Variants in ZC3H7A observed in about 807,000 individuals in gnomAD.
ZC3H7A encodes zinc finger CCCH domain-containing protein 7A.
ZC3H7A carries 44 observed loss-of-function variants against 125.5 expected under a neutral mutation model. The ratio of observed to expected loss-of-function variants is 0.35; its 90% CI spans 0.28 to 0.45. ZC3H7A has a LOEUF of 0.45. Ranked by LOEUF, ZC3H7A falls within the 20% of genes least tolerant of loss-of-function variation. ZC3H7A has a pLI of 1.00. For missense variants in ZC3H7A, 977 were observed against 1,170.7 expected, an observed-to-expected ratio of 0.83 and a Z score of 2.41; for synonymous variants, 399 against 391.2, an observed-to-expected ratio of 1.02 and a Z score of -0.23.
chr16:11,791,311 C>A (rs145054970), intron 1 of ZC3H7A, among the ~76,000 whole-genome samples: 1 of 152,086 alleles, frequency 6.6e-6, no homozygotes, highest in Non-Finnish European at 1.5e-5. Flanking sequence ...CAGAACAAGT[C>A]AGGCACTCCA....
At chr16:11,791,259 T>A (rs1278026651) in intron 1 of ZC3H7A, among the ~76,000 whole-genome samples, 2 of 151,898 alleles carry the variant, frequency 1.3e-5, no homozygotes, top group Non-Finnish European at 2.9e-5. Context: ...TCCCCCAGCT[T>A]CACACATGAG....
intron 7 of ZC3H7A, 145 bp downstream of exon 7, chr16:11,776,175 A>G (rs2053077045): frequency 1.4e-6 from 1 of 732,772 alleles, no homozygotes; most frequent in African/African-American, 1.8e-5. Context: ...AAATAAATAA[A>G]GTGACAGGAG....
At chr16:11,774,565 C>A (rs1349257694) in intron 8 of ZC3H7A, 46 bp from the exon 9 acceptor site, 1 of 1,466,088 alleles carries the variant, frequency 6.8e-7, no homozygotes, top group Non-Finnish European at 9.1e-7. Context: ...ATCGTACTTA[C>A]ATAATAATAC....
chr16:11,760,140 A>AAAAAAAAAAAAAAAG (rs1567374789), intron 19 of ZC3H7A, among the ~76,000 whole-genome samples: 7 of 149,592 alleles, frequency 4.7e-5, no homozygotes, highest in African/African-American at 1.7e-4. Flanking sequence ...AAAAAAAAAA[A>AAAAAAAAAAAAAAAG]AAAAAGAAAA....
chr16:11,751,225 G>A lies in ZC3H7A; in HGVS notation c.*92C>T, dbSNP rs1597524738. ...GAACGATATACGCCAATACAAGCAGGAAATCTGCAGCTCCTCTGCTATGTG... is the reference window on the plus strand; with the variant it reads ...GAACGATATACGCCAATACAAGCAGAAAATCTGCAGCTCCTCTGCTATGTG... On this transcript the variant is annotated 3_prime_UTR_variant, in exon 23 of 23. Transcript: ENST00000355758. The A allele has an allele frequency of 7.5e-7, 1 of 1,338,582 alleles. No homozygotes were observed. Among genetic ancestry groups the A allele is most frequent in the Non-Finnish European group, 1.0e-6 (1 of 993,994 alleles). The allele number at this position is 1,338,582 out of a possible 1,614,324, so 82.9% of individuals were successfully genotyped here.
At chr16:11,786,945 A>G (rs2053265345) in intron 1 of ZC3H7A, among the ~76,000 whole-genome samples, 1 of 152,216 alleles carries the variant, frequency 6.6e-6, no homozygotes, top group Admixed American at 6.5e-5. Flanking sequence ...CACACACACA[A>G]TTAAGTAGAG....
intron 10 of ZC3H7A, among the ~76,000 whole-genome samples, chr16:11,769,687 G>C (rs2052936499): frequency 9.9e-6 from 1 of 101,356 alleles, no homozygotes; most frequent in Non-Finnish European, 1.8e-5. Context: ...TTCCAGCCTG[G>C]GCAACAGAGT....
At position 11,762,539 on chromosome 16, in the gene ZC3H7A, G is replaced by A. The variant is rs1419088258; in HGVS notation, c.2079+132C>T. On this transcript the variant is annotated intron_variant, in intron 17 of 22. Transcript: ENST00000355758. ...AAATGCAAATTGTTTTTTCACATAA[G>A]AATGACTCACCTGAATGAATATTAA... 3.6e-6 allele frequency: 3 copies of A among 831,352 alleles called. No homozygotes were observed. The Admixed American group carries it at 8.2e-5, about 23-fold the overall frequency. The allele number at this position is 831,352 out of a possible 1,614,324, so 51.5% of individuals were successfully genotyped here.
intron 22 of ZC3H7A, 32 bp from the exon 23 acceptor site, chr16:11,751,538 T>C (rs762433971): frequency 1.1e-5 from 18 of 1,573,242 alleles, no homozygotes; most frequent in African/African-American, 1.4e-5. Flanking sequence ...TCAGTGTCCA[T>C]ATAAGTTGTT....
chr16:11,757,361 G>A (rs1172106019), intron 20 of ZC3H7A, among the ~76,000 whole-genome samples: 3 of 151,822 alleles, frequency 2.0e-5, no homozygotes, highest in African/African-American at 7.3e-5. Flanking sequence ...GCAGGCGCCT[G>A]TAGTCCCAGC....
intron 12 of ZC3H7A, among the ~76,000 whole-genome samples, chr16:11,767,790 C>A (rs2052887003): frequency 6.6e-6 from 1 of 151,866 alleles, no homozygotes; most frequent in South Asian, 2.1e-4. Flanking sequence ...TTCAACTCCA[C>A]TCCTGCCAAA....
At chr16:11,767,995 C>G (rs1180419129) in intron 12 of ZC3H7A, among the ~76,000 whole-genome samples, 1 of 152,150 alleles carries the variant, frequency 6.6e-6, no homozygotes, top group Non-Finnish European at 1.5e-5. Flanking sequence ...TCTTGCTCTA[C>G]TTGAAAATAA....
Position 11,765,178 on chromosome 16 carries a change from C to T in ZC3H7A, c.1720-25G>A. On this transcript the variant is annotated intron_variant, in intron 14 of 22. Coordinates refer to ENST00000355758, the MANE Select transcript of ZC3H7A (RefSeq NM_014153.4). This position sits in a 1 kb window ranked among gnomAD's most constrained non-coding sequence, Gnocchi z 4.8. ...TCTGGAATAGAGAGAGAAAGATTATCAAAAAAAATACAAAATATAAATTTT... is the reference window on the plus strand; with the variant it reads ...TCTGGAATAGAGAGAGAAAGATTATTAAAAAAAATACAAAATATAAATTTT... The T allele has an allele frequency of 1.5e-6, 2 of 1,371,544 alleles. No individual in the cohort carries two copies. The highest frequency in any genetic ancestry group is 2.0e-6 in the Non-Finnish European group (2 of 1,009,714). The allele number at this position is 1,371,544 out of a possible 1,614,324, so 85.0% of individuals were successfully genotyped here.
At chr16:11,752,945 G>A in intron 21 of ZC3H7A, 113 bp from the exon 22 acceptor site, 1 of 1,358,798 alleles carries the variant, frequency 7.4e-7, no homozygotes, top group Non-Finnish European at 1.0e-6. Flanking sequence ...ACTCAGGTTA[G>A]AAATAGGGAC....
intron 1 of ZC3H7A, among the ~76,000 whole-genome samples, chr16:11,790,207 C>T (rs1313072405): frequency 2.0e-5 from 3 of 152,122 alleles, no homozygotes; most frequent in Admixed American, 6.6e-5. Context: ...TTCCTGGTTC[C>T]CCACTTCACC....
intron 1 of ZC3H7A, among the ~76,000 whole-genome samples, chr16:11,786,974 T>C (rs973957287): frequency 6.6e-6 from 1 of 152,156 alleles, no homozygotes; most frequent in African/African-American, 2.4e-5. Context: ...TTGTTTACAG[T>C]TTTGTTTTTT....
intron 1 of ZC3H7A, among the ~76,000 whole-genome samples, chr16:11,789,235 G>A (rs2053310700): frequency 6.6e-6 from 1 of 152,064 alleles, no homozygotes. Context: ...AAAATAAAAA[G>A]GTAAAAGTAT....
At chr16:11,769,408 T>C (rs1263259398) in intron 10 of ZC3H7A, among the ~76,000 whole-genome samples, 5 of 152,062 alleles carry the variant, frequency 3.3e-5, no homozygotes, top group Admixed American at 2.0e-4. Context: ...AAAGAGCCTT[T>C]CCTTTTGAAA....
chr16:11,771,501 G>A (rs947007278), intron 9 of ZC3H7A, among the ~76,000 whole-genome samples: 3 of 152,008 alleles, frequency 2.0e-5, no homozygotes, highest in African/African-American at 7.3e-5. Context: ...GAGGTGGGAT[G>A]TCTAACTTTT....
Sources: allele counts gnomAD v4.1 joint callset (sites outside exome capture counted in the v4.1 genomes callset), GRCh38; gene constraint gnomAD v4.1.1; non-coding constraint Gnocchi (gnomAD v3.1); transcripts MANE v1.5; gene names NCBI Gene and HGNC (gene_info 2026-07-23, HGNC 2026-07-21).